SLC4A8: variants seen among roughly 807,000 people sequenced by gnomAD.
SLC4A8 encodes solute carrier family 4 member 8.
Under a neutral mutation model 125.0 loss-of-function variants are expected in SLC4A8, and 40 were observed. The observed-to-expected ratio is 0.32, with a 90% CI of 0.25 to 0.42. SLC4A8 has a LOEUF of 0.42. Ranked by LOEUF, SLC4A8 falls within the 10% of genes least tolerant of loss-of-function variation. The pLI is 1.00. For synonymous variants in SLC4A8, 456 were observed against 476.0 expected, an observed-to-expected ratio of 0.96 and a Z score of 0.55; for missense variants, 863 against 1,355.1, an observed-to-expected ratio of 0.64 and a Z score of 5.70.
chr12:51,409,205 ATTGAGTTTT>A (rs1411165401), intron 1 of SLC4A8, among the ~76,000 whole-genome samples: 9 of 152,086 alleles, frequency 5.9e-5, no homozygotes, highest in Admixed American at 2.0e-4. Flanking sequence ...CTTTAATAAA[ATTGAGTTTT>A]TCCTACCAGA....
chr12:51,497,415 C>A, intron 22 of SLC4A8: 1 of 266,252 alleles, frequency 3.8e-6, no homozygotes, highest in Non-Finnish European at 7.1e-6. Flanking sequence ...TTCAATGGCT[C>A]ACATTCTTTC....
chr12:51,494,802 A>T, intron 20 of SLC4A8, 143 bp from the exon 21 acceptor site: 2 of 604,520 alleles, frequency 3.3e-6, no homozygotes, highest in South Asian at 3.5e-5. Flanking sequence ...CTGGTCTTTT[A>T]AAGTCTCAGT....
At position 51,489,993 on chromosome 12, in the gene SLC4A8, A is replaced by T. The variant is rs1318664458; in HGVS notation, c.2700+42A>T. The T allele has an allele frequency of 1.9e-6, 3 of 1,594,662 alleles. No homozygotes were observed. The African/African-American group carries it at 4.0e-5, about 21-fold the overall frequency. ...TCATTCAGCAAATATCAAGGGCCTG[A>T]TTTGTGCCAGGAATCCTGCCAGGTG... On this transcript the variant is annotated intron_variant, in intron 19 of 24. Coordinates refer to ENST00000453097, the MANE Select transcript of SLC4A8 (RefSeq NM_001039960.3).
intron 18 of SLC4A8, among the ~76,000 whole-genome samples, chr12:51,489,134 T>C (rs1951236217): frequency 6.6e-6 from 1 of 152,180 alleles, no homozygotes; most frequent in Non-Finnish European, 1.5e-5. Context: ...GCTATATGCT[T>C]TGGGTCAAGC....
chr12:51,403,352 T>G, intron 1 of SLC4A8: 2 of 423,992 alleles, frequency 4.7e-6, no homozygotes, highest in South Asian at 3.2e-5. Flanking sequence ...TTTCCAGAGT[T>G]TGGGCAGGAG....
At chr12:51,497,456 C>A in intron 22 of SLC4A8, 1 of 197,434 alleles carries the variant, frequency 5.1e-6, no homozygotes. Context: ...TACATAAGAC[C>A]CATTATTTCC....
upstream of SLC4A8, among the ~76,000 whole-genome samples, chr12:51,423,782 C>A (rs1371493960): frequency 6.6e-6 from 1 of 152,064 alleles, no homozygotes; most frequent in Admixed American, 6.5e-5. Flanking sequence ...GCCTGTAATC[C>A]CAGCACCTTG....
At chr12:51,427,345 T>C (rs776788708) in intron 1 of SLC4A8, among the ~76,000 whole-genome samples, 9 of 152,184 alleles carry the variant, frequency 5.9e-5, no homozygotes, top group Non-Finnish European at 1.0e-4. Flanking sequence ...GGTTATATTA[T>C]TGAGGGCATC....
chr12:51,413,379 T>C (rs1349742673), intron 1 of SLC4A8, among the ~76,000 whole-genome samples: 1 of 152,230 alleles, frequency 6.6e-6, no homozygotes, highest in Non-Finnish European at 1.5e-5. Context: ...CTTTACTCTG[T>C]TGATTGTTTC....
At chr12:51,396,747 A>T (rs7314119) in intron 1 of SLC4A8, among the ~76,000 whole-genome samples, 1 of 150,930 alleles carries the variant, frequency 6.6e-6, no homozygotes, top group African/African-American at 2.4e-5. Context: ...AGAAAAATAT[A>T]TACCCTCATA....
At chr12:51,493,381 CGTTTGTGTGTGTGTGTGTGTGT>C (rs1268379671) in intron 19 of SLC4A8, among the ~76,000 whole-genome samples, 1 of 151,018 alleles carries the variant, frequency 6.6e-6, no homozygotes, top group East Asian at 1.9e-4. Flanking sequence ...GAGAGGGGTG[CGTTTGTGTGTGTGTGTGTGTGT>C]GTTTGTGTGT....
intron 22 of SLC4A8, chr12:51,497,805 A>G (rs1385505245): frequency 2.0e-5 from 3 of 147,936 alleles, no homozygotes; most frequent in African/African-American, 7.5e-5. Flanking sequence ...AAGCTGGAGG[A>G]TTACTTGAGG....
chr12:51,486,766 CT>C (rs1207420323), intron 17 of SLC4A8, among the ~76,000 whole-genome samples: 1 of 152,204 alleles, frequency 6.6e-6, no homozygotes. Context: ...TGTCCCTTTC[CT>C]TTCTCTTTTT....
At position 51,440,692 on chromosome 12, in the gene SLC4A8, A is replaced by C; in HGVS notation, c.49-16A>C. 1 of 1,604,566 alleles carries C rather than the reference A, an allele frequency of 6.2e-7. No individual in the cohort carries two copies. Among genetic ancestry groups the C allele is most frequent in the South Asian group, 1.1e-5 (1 of 90,084 alleles). ...GGTATGTGTATTACTGTGACTACTT[A>C]TTTGTGTTTAAACAGAGACCAGATG... On this transcript the variant is annotated splice_polypyrimidine_tract_variant and intron_variant, in intron 1 of 24. Transcript: ENST00000453097.
chr12:51,471,395 T>C lies in SLC4A8; in HGVS notation c.1767T>C (p.Ile589=). Residue 589 remains isoleucine (I), a synonymous_variant, in exon 14 of 25, where the codon ATT becomes ATC. Coordinates refer to ENST00000453097, the MANE Select transcript of SLC4A8 (RefSeq NM_001039960.3). ...ATDASSLVCY[I]TRFTEEAFAS... ...ATGCCAGTTCCCTTGTCTGCTACAT[T>C]ACCCGTTTCACTGAAGAAGCATTTG... is the stretch of plus-strand genomic sequence containing the variant. 6.2e-7 allele frequency: 1 copy of C among 1,614,204 alleles called. No homozygotes were observed. The highest frequency in any genetic ancestry group is 8.5e-7 in the Non-Finnish European group (1 of 1,180,024).
chr12:51,461,225 T>G lies in SLC4A8; in HGVS notation c.1035T>G (p.Gly345=), dbSNP rs150970094. ...CCAGATTTTTGTTTATCTTATTGGGTCCAGTAGGGAAAGGTCAGCAGTACC... is the reference window on the plus strand; with the variant it reads ...CCAGATTTTTGTTTATCTTATTGGGGCCAGTAGGGAAAGGTCAGCAGTACC... ...IPTRFLFILL[G]PVGKGQQYHE... The change falls in exon 9 of 25, where the codon GGT becomes GGG. Residue 345 remains glycine (G), a synonymous_variant. Coordinates refer to ENST00000453097, the MANE Select transcript of SLC4A8 (RefSeq NM_001039960.3). 801 of 1,611,738 alleles carry G rather than the reference T, an allele frequency of 5.0e-4. 3 individuals are homozygous for G. In the African/African-American group the frequency reaches 9.9e-3, roughly 20 times the overall value.
intron 1 of SLC4A8, among the ~76,000 whole-genome samples, chr12:51,403,591 G>A (rs976625303): frequency 2.0e-5 from 3 of 152,210 alleles, no homozygotes; most frequent in Non-Finnish European, 2.9e-5. Context: ...ACCCCTCAGA[G>A]TCTGCCGATG....
At chr12:51,396,190 A>T (rs760318016) in intron 1 of SLC4A8, among the ~76,000 whole-genome samples, 1 of 152,250 alleles carries the variant, frequency 6.6e-6, no homozygotes, top group Non-Finnish European at 1.5e-5. Context: ...GATGTTAGCC[A>T]TTATAATATT....
chr12:51,486,205 A>T (rs866732007), intron 17 of SLC4A8, among the ~76,000 whole-genome samples: 1 of 152,204 alleles, frequency 6.6e-6, no homozygotes, highest in Non-Finnish European at 1.5e-5. Flanking sequence ...GCACATTTAC[A>T]TAAATATATT....
Sources: allele counts gnomAD v4.1 joint callset (sites outside exome capture counted in the v4.1 genomes callset), GRCh38; gene constraint gnomAD v4.1.1; transcripts MANE v1.5; gene names NCBI Gene and HGNC (gene_info 2026-07-23, HGNC 2026-07-21).